The following FCSK variants were observed in gnomAD, a reference collection of about 807,000 sequenced individuals.
FCSK encodes the protein L-fucose kinase.
FCSK carries 123 observed loss-of-function variants against 122.5 expected under a neutral mutation model. That is an observed-to-expected ratio of 1.00 (90% CI 0.87 to 1.17). The LOEUF is 1.17. Ranked by LOEUF, FCSK falls within the 50% of genes most tolerant of loss-of-function variation. The probability of loss-of-function intolerance (pLI) is 0.00; values close to 1 mark genes in which losing one functional copy is unlikely to be tolerated. For missense variants in FCSK, 1,366 were observed against 1,450.4 expected (o/e 0.94, Z 0.95); for synonymous variants, 620 against 625.5 (o/e 0.99, Z 0.13).
intron 10 of FCSK, among the ~76,000 whole-genome samples, chr16:70,469,986 A>G (rs1252478704): frequency 6.6e-6 from 1 of 151,990 alleles, no homozygotes; most frequent in Non-Finnish European, 1.5e-5. Flanking sequence ...CTGGGATTAC[A>G]GGTGCGTGGC....
chr16:70,464,147 C>T (rs951272627), intron 3 of FCSK, among the ~76,000 whole-genome samples: 17 of 152,190 alleles, frequency 1.1e-4, no homozygotes, highest in African/African-American at 1.7e-4. Context: ...CTGCTGGTCC[C>T]GTGTCTCCCA....
In FCSK at chr16:70,479,318, G is replaced by A; in HGVS notation, c.3068G>A (p.Gly1023Glu). ...APHVHGQSLA[G>E]AGGGGFLYLL... ...CACGTGCATGGCCAGAGCCTGGCTG[G>A]GGCAGGCGGTGGAGGCTTTCTCTAT... is the stretch of plus-strand genomic sequence containing the variant. Residue 1023 changes from glycine (G) to glutamate (E), a missense_variant, in exon 23 of 24, where the codon GGG (glycine) becomes GAG (glutamate). Physicochemically the swap from Gly to Glu is moderately conservative, Grantham distance 98 (BLOSUM62 -2). Coordinates refer to ENST00000288078, the MANE Select transcript of FCSK (RefSeq NM_145059.3). The A allele has an allele frequency of 6.2e-7, 1 of 1,614,032 alleles. No individual in the cohort carries two copies. The highest frequency in any genetic ancestry group is 8.5e-7 in the Non-Finnish European group (1 of 1,180,032).
intron 11 of FCSK, among the ~76,000 whole-genome samples, 199 bp downstream of exon 11, chr16:70,470,625 G>A (rs1567703819): frequency 1.3e-5 from 2 of 152,224 alleles, no homozygotes; most frequent in African/African-American, 2.4e-5. Flanking sequence ...GGCCAACTCA[G>A]GATTCTGCAT....
Position 70,463,719 on chromosome 16 carries a change from C to A in FCSK, c.179C>A (p.Thr60Asn). Residue 60 changes from threonine (T) to asparagine (N), a missense_variant, in exon 3 of 24, where the codon ACC becomes AAC. Coordinates refer to ENST00000288078, the MANE Select transcript of FCSK (RefSeq NM_145059.3). ...AAGCGTGTGGGCAGCGGAGGAGCCA[C>A]CCTCAACGCCCTGCTGGTGGCTGCT... ...PEKRVGSGGA[T>N]LNALLVAAEH... 3 of 1,612,658 alleles carry A rather than the reference C, an allele frequency of 1.9e-6. No homozygotes were observed. Among genetic ancestry groups the A allele is most frequent in the Non-Finnish European group, 1.7e-6 (2 of 1,179,984 alleles).
chr16:70,474,515 C>T lies in FCSK; in HGVS notation c.1989-13C>T, dbSNP rs1029871499. 4.5e-6 allele frequency: 7 copies of T among 1,546,922 alleles called. No individual in the cohort carries two copies. In the African/African-American group the frequency reaches 8.2e-5, roughly 18 times the overall value. On this transcript the variant is annotated splice_polypyrimidine_tract_variant and intron_variant, in intron 16 of 23. Transcript: ENST00000288078. ...GGGCTGCATGCCACCATCCCTCCCC[C>T]TTCTCTTGGCAGGCCAGCCTTGCTG...
chr16:70,478,777 C>G, intron 22 of FCSK, 127 bp downstream of exon 22: 1 of 792,572 alleles, frequency 1.3e-6, no homozygotes, highest in Non-Finnish European at 2.1e-6. Flanking sequence ...GAACAGAAGC[C>G]TACTGTCTGT....
chr16:70,465,701 C>T (rs563984070), intron 4 of FCSK, among the ~76,000 whole-genome samples: 3 of 152,240 alleles, frequency 2.0e-5, no homozygotes, highest in African/African-American at 7.2e-5. Context: ...AAGTGGCTCA[C>T]ACAGCGCTTT....
chr16:70,475,037 G>A (rs1269763094), intron 18 of FCSK, 26 bp downstream of exon 18: 1 of 1,562,714 alleles, frequency 6.4e-7, no homozygotes, highest in Admixed American at 1.8e-5. Context: ...ACCTCTGCAG[G>A]TGGGGCTGGC....
chr16:70,464,351 C>T (rs572632979), intron 3 of FCSK, among the ~76,000 whole-genome samples: 2 of 152,304 alleles, frequency 1.3e-5, no homozygotes, highest in African/African-American at 4.8e-5. Flanking sequence ...GTAACCTCCC[C>T]TTCAAAACAG....
intron 20 of FCSK, among the ~76,000 whole-genome samples, chr16:70,477,062 A>G (rs2048839841): frequency 6.6e-6 from 1 of 152,208 alleles, no homozygotes; most frequent in Admixed American, 6.5e-5. Flanking sequence ...TGCAACTACC[A>G]GGTTTTGGCT....
At chr16:70,461,094 G>A (rs1382360924) in intron 1 of FCSK, among the ~76,000 whole-genome samples, 8 of 152,348 alleles carry the variant, frequency 5.3e-5, no homozygotes, top group South Asian at 2.1e-4. Flanking sequence ...TCCTGAAGGC[G>A]TGGGTGTTGC....
At position 70,466,886 on chromosome 16, in the gene FCSK, G is replaced by GC. The variant is rs2048435085; in HGVS notation, c.419dup (p.Ser142LeufsTer51). 1.2e-6 allele frequency: 2 copies of GC among 1,613,382 alleles called. No homozygotes were observed. Among genetic ancestry groups the GC allele is most frequent in the East Asian group, 4.5e-5 (2 of 44,882 alleles). ...TCTGTCTCCTTCCCCCCACAGCTGG[G>GC]CCCGGGCTCCCCGCCAGGCGTGTGG... On this transcript the variant is annotated frameshift_variant, in exon 6 of 24. Coordinates refer to ENST00000288078, the MANE Select transcript of FCSK (RefSeq NM_145059.3). LOFTEE classifies it high-confidence loss of function.
chr16:70,479,078 C>A, intron 22 of FCSK, 102 bp from the exon 23 acceptor site: 2 of 918,008 alleles, frequency 2.2e-6, no homozygotes, highest in Non-Finnish European at 3.3e-6. Context: ...GCTTCTTTAC[C>A]ATGACACTGG....
At chr16:70,467,693 G>A (rs2048467042) in intron 7 of FCSK, 193 bp from the exon 8 acceptor site, 3 of 642,078 alleles carry the variant, frequency 4.7e-6, no homozygotes, top group East Asian at 2.7e-5. Flanking sequence ...GCTCAGGGCT[G>A]CAAAGACCTT....
At chr16:70,455,889 A>C (rs1292795586) in intron 1 of FCSK, among the ~76,000 whole-genome samples, 14 of 132,210 alleles carry the variant, frequency 1.1e-4, no homozygotes, top group Non-Finnish European at 2.0e-4. Context: ...AGACTGTCTC[A>C]AAAAAAAAAA....
Position 70,470,906 on chromosome 16 carries a change from G to T in FCSK, c.1069-65G>T. On this transcript the variant is annotated intron_variant, in intron 11 of 23. Transcript: ENST00000288078. ...CGCTTTGCCCCTGGATGCTTGGCTT[G>T]GGAGGAGAGCTGGGGCAGCCCTGGG... The T allele has an allele frequency of 2.8e-6, 4 of 1,416,438 alleles. No individual in the cohort carries two copies. The South Asian group carries it at 3.8e-5, about 14-fold the overall frequency. The allele number at this position is 1,416,438 out of a possible 1,614,324, so 87.7% of individuals were successfully genotyped here. A position where few individuals can be genotyped will look rare whatever the true frequency, so the allele number is the denominator to read the frequency against.
chr16:70,456,208 T>A (rs2048091204), intron 1 of FCSK, among the ~76,000 whole-genome samples: 1 of 152,212 alleles, frequency 6.6e-6, no homozygotes, highest in Non-Finnish European at 1.5e-5. Flanking sequence ...AAGCCTAGCC[T>A]GCCTGTGCTA....
Position 70,473,645 on chromosome 16 carries a change from C to T in FCSK, c.1777+292C>T, listed in dbSNP as rs926476628. 6.6e-6 allele frequency among the ~76,000 whole-genome samples: 1 copy of T among 152,100 alleles called. No individual in the cohort carries two copies. The highest frequency in any genetic ancestry group is 1.5e-5 in the Non-Finnish European group (1 of 68,006). Reference sequence around the variant, plus strand: ...AACCCTGCGTGTTCTGTACTGGGTGCCAGGATGTGGGTGCAGAGCGTGGCG... The same window carrying T: ...AACCCTGCGTGTTCTGTACTGGGTGTCAGGATGTGGGTGCAGAGCGTGGCG... On this transcript the variant is annotated intron_variant, in intron 15 of 23. Transcript: ENST00000288078. This position sits in a 1 kb window ranked among gnomAD's most constrained non-coding sequence, Gnocchi z 4.9.
At chr16:70,466,351 G>C in intron 5 of FCSK, 94 bp downstream of exon 5, 1 of 1,504,668 alleles carries the variant, frequency 6.6e-7, no homozygotes, top group Non-Finnish European at 9.1e-7. Flanking sequence ...GGCTCAGCTG[G>C]GAGAAGGAAT....
Sources: allele counts gnomAD v4.1 joint callset (sites outside exome capture counted in the v4.1 genomes callset), GRCh38; gene constraint gnomAD v4.1.1; non-coding constraint Gnocchi (gnomAD v3.1); transcripts MANE v1.5; gene names NCBI Gene and HGNC (gene_info 2026-07-23, HGNC 2026-07-21).